Variants in THEMIS observed in about 807,000 individuals in gnomAD.
THEMIS encodes thymocyte selection associated.
THEMIS carries 37 observed loss-of-function variants against 52.6 expected under a neutral mutation model. That is an observed-to-expected ratio of 0.70 (90% CI 0.54 to 0.93). The LOEUF (loss-of-function observed/expected upper bound fraction) is 0.93. Among genes scored for constraint, THEMIS ranks in the 40% least tolerant of loss-of-function variants. The pLI is 0.00. For synonymous variants in THEMIS, 292 were observed against 272.7 expected (o/e 1.07, Z -0.70); for missense variants, 808 against 763.1 (o/e 1.06, Z -0.69).
At chr6:127,775,721 A>G (rs1170459684) in intron 4 of THEMIS, among the ~76,000 whole-genome samples, 3 of 152,264 alleles carry the variant, frequency 2.0e-5, no homozygotes, top group Middle Eastern at 3.4e-3. Flanking sequence ...AATATAAATG[A>G]AATGATACAG....
chr6:127,710,736 C>A (rs369545908), intron 5 of THEMIS, among the ~76,000 whole-genome samples: 2 of 151,842 alleles, frequency 1.3e-5, no homozygotes, highest in South Asian at 4.1e-4. Context: ...TTATGGAGCG[C>A]GATGGATGGG....
intron 1 of THEMIS, among the ~76,000 whole-genome samples, chr6:127,907,061 C>T (rs1391621355): frequency 6.6e-6 from 1 of 151,710 alleles, no homozygotes. Flanking sequence ...AGAATAAACC[C>T]TTATCTCCAA....
At chr6:127,704,731 C>A (rs1343899912), downstream of THEMIS, among the ~76,000 whole-genome samples, 1 of 152,146 alleles carries the variant, frequency 6.6e-6, no homozygotes, top group Admixed American at 6.5e-5. Context: ...TGGAGCAGGT[C>A]CAGATGATAC....
chr6:127,756,432 C>T (rs566560202), intron 4 of THEMIS, among the ~76,000 whole-genome samples: 12 of 152,178 alleles, frequency 7.9e-5, no homozygotes, highest in East Asian at 1.9e-4. Flanking sequence ...TTCCTCTAAA[C>T]GCTACTTTTG....
intron 4 of THEMIS, among the ~76,000 whole-genome samples, chr6:127,725,139 C>A (rs1774494792): frequency 6.6e-6 from 1 of 151,952 alleles, no homozygotes; most frequent in African/African-American, 2.4e-5. Context: ...CTAAAAAAAG[C>A]AACCTCCCTC....
At position 127,719,679 on chromosome 6, in the gene THEMIS, C is replaced by A; in HGVS notation, c.1894+9G>T. ...CCGTGGTTTAACTGACCTATAGTCA[C>A]ATCAGTACCTGCTATTGCTGTGGCC... On this transcript the variant is annotated intron_variant, in intron 5 of 5. Coordinates refer to ENST00000368248, the MANE Select transcript of THEMIS (RefSeq NM_001010923.3). The A allele has an allele frequency of 6.2e-7, 1 of 1,607,760 alleles. No individual in the cohort carries two copies.
At chr6:127,874,558 C>T (rs958093442) in intron 1 of THEMIS, among the ~76,000 whole-genome samples, 9 of 151,936 alleles carry the variant, frequency 5.9e-5, no homozygotes, top group African/African-American at 2.2e-4. Flanking sequence ...CAAATTGTTT[C>T]AAATCTCCAA....
chr6:127,907,403 T>G (rs945662125), intron 1 of THEMIS, among the ~76,000 whole-genome samples: 2 of 143,444 alleles, frequency 1.4e-5, no homozygotes, highest in Non-Finnish European at 3.0e-5. Context: ...TGCTGTTGTG[T>G]GACACCTGGC....
chr6:127,706,988 T>C (rs1008497631), downstream of THEMIS, among the ~76,000 whole-genome samples: 1 of 152,138 alleles, frequency 6.6e-6, no homozygotes, highest in African/African-American at 2.4e-5. Context: ...CAGTTCAGCA[T>C]GGCTGGGGAG....
chr6:127,800,271 A>G (rs1777488247), intron 4 of THEMIS, among the ~76,000 whole-genome samples: 1 of 152,166 alleles, frequency 6.6e-6, no homozygotes, highest in Non-Finnish European at 1.5e-5. Context: ...ATTTTTTAAT[A>G]TATTTCCTTT....
At chr6:127,766,890 C>T (rs1432582828) in intron 4 of THEMIS, among the ~76,000 whole-genome samples, 3 of 152,074 alleles carry the variant, frequency 2.0e-5, no homozygotes, top group African/African-American at 7.2e-5. Flanking sequence ...TAGGACATTA[C>T]CGTATTCTAC....
intron 1 of THEMIS, among the ~76,000 whole-genome samples, chr6:127,868,174 C>T (rs547219783): frequency 1.6e-4 from 25 of 152,164 alleles, no homozygotes; most frequent in Admixed American, 3.9e-4. Context: ...AATTATTTTA[C>T]GTGCATAGCC....
At chr6:127,839,473 C>A (rs1226101413) in intron 2 of THEMIS, among the ~76,000 whole-genome samples, 1 of 151,966 alleles carries the variant, frequency 6.6e-6, no homozygotes, top group Non-Finnish European at 1.5e-5. Flanking sequence ...GGTAATGTTA[C>A]TATTTGCAAA....
chr6:127,798,089 C>T (rs1020559207), intron 4 of THEMIS, among the ~76,000 whole-genome samples: 2 of 152,114 alleles, frequency 1.3e-5, no homozygotes, highest in Admixed American at 6.5e-5. Flanking sequence ...GAATCATGCA[C>T]GTATGTGTGT....
intron 4 of THEMIS, among the ~76,000 whole-genome samples, chr6:127,801,286 C>T (rs1051774348): frequency 1.8e-4 from 28 of 152,124 alleles, no homozygotes; most frequent in South Asian, 4.1e-4. Context: ...TGAATGAAAT[C>T]GAGGATTCTA....
intron 4 of THEMIS, among the ~76,000 whole-genome samples, chr6:127,761,803 C>T (rs1385347942): frequency 6.6e-6 from 1 of 152,002 alleles, no homozygotes; most frequent in Non-Finnish European, 1.5e-5. Flanking sequence ...TTACAAGAAC[C>T]CAGAGTGCCA....
chr6:127,785,081 A>T (rs1472263022), intron 4 of THEMIS, among the ~76,000 whole-genome samples: 1 of 151,678 alleles, frequency 6.6e-6, no homozygotes, highest in Non-Finnish European at 1.5e-5. Flanking sequence ...CCTATCATCT[A>T]TCTACCTACT....
chr6:127,772,999 A>G (rs891049007), intron 4 of THEMIS, among the ~76,000 whole-genome samples: 39 of 152,316 alleles, frequency 2.6e-4, no homozygotes, highest in African/African-American at 9.4e-4. Flanking sequence ...ATAAGTTCCA[A>G]AATGCAATGT....
At chr6:127,899,737 A>G (rs78913658) in intron 1 of THEMIS, among the ~76,000 whole-genome samples, 4 of 151,786 alleles carry the variant, frequency 2.6e-5, no homozygotes, top group African/African-American at 7.2e-5. Context: ...GAGACAAAAA[A>G]TGATTTGGGG....
Sources: allele counts gnomAD v4.1 joint callset (sites outside exome capture counted in the v4.1 genomes callset), GRCh38; gene constraint gnomAD v4.1.1; transcripts MANE v1.5; gene names NCBI Gene and HGNC (gene_info 2026-07-23, HGNC 2026-07-21).